Variants in TRPV1 observed in about 807,000 individuals in gnomAD.
TRPV1 encodes OTRPC1.
A neutral mutation model predicts 82.3 loss-of-function variants in TRPV1; 82 were observed. That is an observed-to-expected ratio of 1.00 (90% CI 0.83 to 1.20). TRPV1 has a LOEUF of 1.20. TRPV1 is among the 50% of genes most tolerant of loss of function. The probability of loss-of-function intolerance (pLI) is 0.00; values close to 1 mark genes in which losing one functional copy is unlikely to be tolerated. For missense variants in TRPV1, 1,067 were observed against 1,096.8 expected (o/e 0.97, Z 0.38); for synonymous variants, 515 against 467.7 (o/e 1.10, Z -1.30).
intron 13 of TRPV1, among the ~76,000 whole-genome samples, chr17:3,576,690 T>TATGC (rs71153375): frequency 0.024 from 2,458 of 101,824 alleles, 119 homozygotes; most frequent in African/African-American, 0.072. Context: ...TATATATATA[T>TATGC]GCATAAAAAC....
intron 2 of TRPV1, among the ~76,000 whole-genome samples, chr17:3,607,783 C>T (rs1453709098): frequency 3.9e-5 from 6 of 151,998 alleles, no homozygotes; most frequent in African/African-American, 1.4e-4. Context: ...GTGATCCACC[C>T]GCCTCGGCCT....
intron 13 of TRPV1, among the ~76,000 whole-genome samples, chr17:3,576,848 C>CA (rs989451980): frequency 0.17 from 6,486 of 37,296 alleles, 544 homozygotes; most frequent in African/African-American, 0.3. Context: ...GACTCCATCT[C>CA]AAAAAAAAAA....
intron 2 of TRPV1, among the ~76,000 whole-genome samples, chr17:3,596,743 G>A (rs925513952): frequency 1.3e-5 from 2 of 152,200 alleles, no homozygotes; most frequent in Non-Finnish European, 2.9e-5. Flanking sequence ...CACCTTTGAG[G>A]CAGCCACTCT....
At chr17:3,605,269 G>A (rs1032992090) in intron 2 of TRPV1, among the ~76,000 whole-genome samples, 1 of 152,198 alleles carries the variant, frequency 6.6e-6, no homozygotes, top group South Asian at 2.1e-4. Context: ...AGCACTTTCC[G>A]AGGCCGAGGT....
Position 3,585,734 on chromosome 17 carries a change from CCCTCGCCCACGAGGCCTGAG to C in TRPV1, c.1383+14_1383+33del, listed in dbSNP as rs2075076036. 6.2e-7 allele frequency: 1 copy of C among 1,600,578 alleles called. No individual in the cohort carries two copies. Among genetic ancestry groups the C allele is most frequent in the African/African-American group, 1.3e-5 (1 of 74,744 alleles). On this transcript the variant is annotated intron_variant, in intron 9 of 16. Coordinates refer to ENST00000572705, the MANE Select transcript of TRPV1 (RefSeq NM_080704.4). ...CCACACCCCTTCCCCACCACCCACA[CCCTCGCCCACGAGGCCTGAG>C]CCTCTGGCCGCACCAAGCCATCCAC...
intron 14 of TRPV1, 85 bp downstream of exon 14, chr17:3,573,548 C>CCCCCCCCCCCCCCCCCCCCG: frequency 2.4e-6 from 1 of 411,100 alleles, no homozygotes; most frequent in Non-Finnish European, 3.6e-6. Flanking sequence ...ACCACCCACC[C>CCCCCCCCCCCCCCCCCCCCG]ACCTGCAGCC....
chr17:3,605,195 G>A (rs2075288953), intron 2 of TRPV1, among the ~76,000 whole-genome samples: 1 of 151,972 alleles, frequency 6.6e-6, no homozygotes, highest in South Asian at 2.1e-4. Flanking sequence ...TGTGAAATGG[G>A]GATAACACTA....
Position 3,583,331 on chromosome 17 carries a change from C to T in TRPV1, c.1476+7G>A, listed in dbSNP as rs774018737. The T allele has an allele frequency of 1.1e-5, 18 of 1,602,602 alleles. No homozygotes were observed. The highest frequency in any genetic ancestry group is 4.5e-5 in the East Asian group (2 of 44,614). On this transcript the variant is annotated splice_region_variant and intron_variant, in intron 10 of 16. Transcript: ENST00000572705. Reference sequence around the variant, plus strand: ...TGGAAACTCACAATGTGGGAAGGAACGCTTACCCCTCGGAAAAAGAAGTAG... The same window carrying T: ...TGGAAACTCACAATGTGGGAAGGAATGCTTACCCCTCGGAAAAAGAAGTAG...
intron 8 of TRPV1, among the ~76,000 whole-genome samples, chr17:3,587,510 T>C (rs1210617492): frequency 6.6e-6 from 1 of 152,168 alleles, no homozygotes; most frequent in Non-Finnish European, 1.5e-5. Context: ...AGATGCCTAC[T>C]TCACACCTAC....
At chr17:3,606,340 C>T (rs2075296134) in intron 2 of TRPV1, among the ~76,000 whole-genome samples, 1 of 152,146 alleles carries the variant, frequency 6.6e-6, no homozygotes, top group Admixed American at 6.5e-5. Context: ...ACTCAGGGAC[C>T]CAGGCTGACA....
chr17:3,594,157 C>CAAAAAAAAAA (rs1567673368), intron 2 of TRPV1, among the ~76,000 whole-genome samples: 5 of 111,242 alleles, frequency 4.5e-5, no homozygotes, highest in African/African-American at 3.6e-4. Flanking sequence ...AAAAAAGAAG[C>CAAAAAAAAAA]AGCAGCAGCA....
chr17:3,572,855 T>C (rs1044999699), intron 14 of TRPV1, among the ~76,000 whole-genome samples: 11 of 151,934 alleles, frequency 7.2e-5, no homozygotes, highest in South Asian at 4.2e-4. Context: ...TGGTGGTGGG[T>C]GCCTGCAATC....
chr17:3,580,895 T>C (rs1426030393), intron 10 of TRPV1, among the ~76,000 whole-genome samples: 1 of 152,008 alleles, frequency 6.6e-6, no homozygotes, highest in Non-Finnish European at 1.5e-5. Context: ...GGCGGGCACC[T>C]GTAATCCCAG....
In TRPV1 at chr17:3,590,958, C is replaced by T. The variant is rs1316762318; in HGVS notation, c.604+6G>A. 2 of 1,597,974 alleles carry T rather than the reference C, an allele frequency of 1.3e-6. No individual in the cohort carries two copies. The highest frequency in any genetic ancestry group is 1.7e-6 in the Non-Finnish European group (2 of 1,173,446). ...GAGCCATGCCCGGCCCCGCCGCCCT[C>T]CTCACCCTTGTAGTAGCTGTCCGTG... On this transcript the variant is annotated splice_donor_region_variant and intron_variant, in intron 5 of 16. Coordinates refer to ENST00000572705, the MANE Select transcript of TRPV1 (RefSeq NM_080704.4).
chr17:3,586,790 A>C (rs1294363891), intron 8 of TRPV1, among the ~76,000 whole-genome samples: 1 of 152,090 alleles, frequency 6.6e-6, no homozygotes, highest in Non-Finnish European at 1.5e-5. Flanking sequence ...AAATAAAATA[A>C]AATAAAAATA....
Position 3,573,863 on chromosome 17 carries a change from CG to C in TRPV1, c.1872del (p.Asp625IlefsTer44), listed in dbSNP as rs745598475. 2 of 1,539,676 alleles carry C rather than the reference CG, an allele frequency of 1.3e-6. No individual in the cohort carries two copies. The highest frequency in any genetic ancestry group is 1.8e-6 in the Non-Finnish European group (2 of 1,136,332). Reference sequence around the variant, plus strand: ...GAGTACAGGCTGTTGTAGGAGCTATCGGGGGGCCTGCAGGCAGGCCCCCGCC... The same window carrying C: ...GAGTACAGGCTGTTGTAGGAGCTATCGGGGGCCTGCAGGCAGGCCCCCGCC... ...HRWRGPACRP[P>X]DSSYNSLYST... On this transcript the variant is annotated frameshift_variant, in exon 14 of 17. Coordinates refer to ENST00000572705, the MANE Select transcript of TRPV1 (RefSeq NM_080704.4). LOFTEE classifies it high-confidence loss of function.
intron 9 of TRPV1, among the ~76,000 whole-genome samples, chr17:3,584,729 G>T (rs937903201): frequency 6.6e-6 from 1 of 152,136 alleles, no homozygotes. Flanking sequence ...CCGGGAGGTG[G>T]AGGTTGCAGT....
rs930221426 is a variant in TRPV1, at chr17:3,566,180, A to C, written c.*635T>G. On this transcript the variant is annotated 3_prime_UTR_variant, in exon 17 of 17. Transcript: ENST00000572705. Reference sequence around the variant, plus strand: ...AGAGTGAAACTCTGTCTCACAGAAAAAAAAAAAAAGAATAAAATCAAAGAA... The same window carrying C: ...AGAGTGAAACTCTGTCTCACAGAAACAAAAAAAAAGAATAAAATCAAAGAA... The C allele has an allele frequency of 6.8e-6, 1 of 147,914 alleles. No individual in the cohort carries two copies. Among genetic ancestry groups the C allele is most frequent in the Non-Finnish European group, 1.5e-5 (1 of 67,070 alleles). 9.2% of individuals were successfully genotyped at this position (147,914 alleles called of 1,614,324 possible).
intron 8 of TRPV1, 106 bp from the exon 9 acceptor site, chr17:3,586,032 C>CA: frequency 7.0e-7 from 1 of 1,425,154 alleles, no homozygotes; most frequent in Non-Finnish European, 9.6e-7. Context: ...GCACAGTCCT[C>CA]AGCCCACGGA....
Sources: allele counts gnomAD v4.1 joint callset (sites outside exome capture counted in the v4.1 genomes callset), GRCh38; gene constraint gnomAD v4.1.1; transcripts MANE v1.5; gene names NCBI Gene and HGNC (gene_info 2026-07-23, HGNC 2026-07-21).